Variants in DOCK4 observed in about 807,000 individuals in gnomAD.
DOCK4 encodes dedicator of cytokinesis 4, also known as dedicator of cytokinesis protein 4.
Under a neutral mutation model 268.1 loss-of-function variants are expected in DOCK4, and 97 were observed. The observed-to-expected ratio is 0.36, with a 90% CI of 0.31 to 0.43. The LOEUF is 0.43. Ranked by LOEUF, DOCK4 falls within the 20% of genes least tolerant of loss-of-function variation. The pLI, the probability that DOCK4 is intolerant of heterozygous loss-of-function variation, is 1.00. For synonymous variants in DOCK4, 954 were observed against 887.2 expected, an observed-to-expected ratio of 1.08 and a Z score of -1.34; for missense variants, 2,145 against 2,455.7, an observed-to-expected ratio of 0.87 and a Z score of 2.67.
At chr7:112,015,166 G>A (rs1476145984) in intron 1 of DOCK4, among the ~76,000 whole-genome samples, 1 of 152,156 alleles carries the variant, frequency 6.6e-6, no homozygotes, top group Non-Finnish European at 1.5e-5. Flanking sequence ...AGATGGCAAC[G>A]AAACTGACCT....
chr7:112,037,318 T>C (rs927442540), intron 1 of DOCK4, among the ~76,000 whole-genome samples: 49 of 152,340 alleles, frequency 3.2e-4, no homozygotes, highest in African/African-American at 1.1e-3. Context: ...TACTGTACGA[T>C]GGGTTTGTCA....
chr7:111,901,948 C>T (rs942391723), intron 13 of DOCK4, 147 bp from the exon 14 acceptor site: 18 of 614,430 alleles, frequency 2.9e-5, no homozygotes, highest in Non-Finnish European at 4.3e-5. Context: ...ATAAAAGTGT[C>T]CTCACCCTTA....
At chr7:112,169,821 G>C (rs1817925354) in intron 1 of DOCK4, among the ~76,000 whole-genome samples, 3 of 152,154 alleles carry the variant, frequency 2.0e-5, no homozygotes, top group African/African-American at 7.2e-5. Flanking sequence ...TGCTTCACCA[G>C]TCCAAATTCA....
At chr7:112,120,123 A>G (rs1812601772) in intron 1 of DOCK4, among the ~76,000 whole-genome samples, 1 of 152,206 alleles carries the variant, frequency 6.6e-6, no homozygotes, top group Non-Finnish European at 1.5e-5. Context: ...CTGGGATTAC[A>G]AGATTGCTCT....
chr7:111,973,156 C>CATGCATATATATATAT (rs1554399516), intron 8 of DOCK4, among the ~76,000 whole-genome samples: 2 of 114,050 alleles, frequency 1.8e-5, no homozygotes, highest in East Asian at 5.4e-4. Context: ...TATTCCATGG[C>CATGCATATATATATAT]ATATATATAT....
At chr7:111,969,968 C>T (rs979358597) in intron 8 of DOCK4, among the ~76,000 whole-genome samples, 3 of 152,106 alleles carry the variant, frequency 2.0e-5, no homozygotes, top group Admixed American at 6.6e-5. Flanking sequence ...TTTCTCTGGC[C>T]CATGGCTAAT....
chr7:112,177,253 T>C (rs1818617022), intron 1 of DOCK4, among the ~76,000 whole-genome samples: 1 of 152,184 alleles, frequency 6.6e-6, no homozygotes, highest in Non-Finnish European at 1.5e-5. Context: ...CACCCCTTAC[T>C]ATACCTGTGT....
At chr7:112,102,180 GATCT>G (rs1213287897) in intron 1 of DOCK4, among the ~76,000 whole-genome samples, 1 of 152,110 alleles carries the variant, frequency 6.6e-6, no homozygotes, top group African/African-American at 2.4e-5. Flanking sequence ...ATTGTTTATG[GATCT>G]ATCTGTCTCC....
intron 25 of DOCK4, among the ~76,000 whole-genome samples, chr7:111,836,763 C>T (rs1025106947): frequency 1.3e-5 from 2 of 151,958 alleles, no homozygotes; most frequent in African/African-American, 4.8e-5. Context: ...GGTCGAGTGG[C>T]AGATTAGACA....
At chr7:111,936,527 T>C (rs376913703) in intron 11 of DOCK4, among the ~76,000 whole-genome samples, 22 of 148,926 alleles carry the variant, frequency 1.5e-4, no homozygotes, top group East Asian at 5.8e-4. Context: ...GATGGATGGA[T>C]GGACGGATGG....
At chr7:112,091,258 GAAGA>G (rs1809601998) in intron 1 of DOCK4, among the ~76,000 whole-genome samples, 2 of 152,092 alleles carry the variant, frequency 1.3e-5, no homozygotes. Flanking sequence ...CTCCCCTTAA[GAAGA>G]AAGAGAGGTA....
intron 1 of DOCK4, among the ~76,000 whole-genome samples, chr7:112,120,763 T>C (rs867111432): frequency 1.3e-5 from 2 of 152,240 alleles, no homozygotes. Context: ...GCAATATATC[T>C]ACTGAATATT....
chr7:111,882,583 T>G (rs180922694), intron 16 of DOCK4, among the ~76,000 whole-genome samples: 15 of 152,286 alleles, frequency 9.8e-5, no homozygotes, highest in Admixed American at 4.6e-4. Context: ...ATCCCTTTAG[T>G]GTTCTAGACT....
intron 30 of DOCK4, among the ~76,000 whole-genome samples, chr7:111,803,307 A>G (rs1166059688): frequency 1.3e-5 from 2 of 152,232 alleles, no homozygotes; most frequent in Non-Finnish European, 2.9e-5. Flanking sequence ...ATTCCTACAG[A>G]ACCAGCAAAG....
At chr7:111,840,983 A>C in intron 25 of DOCK4, 1 of 466,556 alleles carries the variant, frequency 2.1e-6, no homozygotes, top group Non-Finnish European at 3.9e-6. Flanking sequence ...AACAACAACA[A>C]TACCTGAAGC....
intron 23 of DOCK4, among the ~76,000 whole-genome samples, chr7:111,848,843 T>TCCC (rs2134102707): frequency 6.6e-6 from 1 of 152,136 alleles, no homozygotes; most frequent in South Asian, 2.1e-4. Flanking sequence ...CCTACAACCC[T>TCCC]CCCCTTCCAC....
At chr7:111,783,208 G>C (rs1200932388) in intron 34 of DOCK4, among the ~76,000 whole-genome samples, 1 of 152,062 alleles carries the variant, frequency 6.6e-6, no homozygotes, top group African/African-American at 2.4e-5. Flanking sequence ...CCTCTCAATG[G>C]ACATGGGCTC....
chr7:111,833,869 A>G (rs950694798), intron 26 of DOCK4, among the ~76,000 whole-genome samples: 8 of 152,236 alleles, frequency 5.3e-5, no homozygotes, highest in African/African-American at 1.9e-4. Context: ...CACCCAGCTT[A>G]AAAGCAACAA....
intron 1 of DOCK4, among the ~76,000 whole-genome samples, chr7:112,012,815 G>A (rs913762966): frequency 2.1e-4 from 32 of 151,918 alleles, no homozygotes; most frequent in African/African-American, 7.5e-4. Context: ...GAAAAGAAAT[G>A]TTATATCCCT....
Sources: gnomAD v4.1 joint callset for allele counts (sites outside exome capture counted in the v4.1 genomes callset) on GRCh38, gnomAD v4.1.1 for gene constraint, MANE v1.5 for transcripts, NCBI Gene and HGNC (gene_info 2026-07-23, HGNC 2026-07-21) for gene names.